CSMD1: variants seen among roughly 807,000 people sequenced by gnomAD.
The protein encoded by CSMD1 is CUB and sushi domain-containing protein 1.
In CSMD1, 213 loss-of-function variants were observed where a neutral mutation model predicts 417.5. That is an observed-to-expected ratio of 0.51 (90% CI 0.46 to 0.57). CSMD1 has a LOEUF of 0.57. Among genes scored for constraint, CSMD1 ranks in the 20% least tolerant of loss-of-function variants. CSMD1 has a pLI of 0.00. For missense variants in CSMD1, 6,923 were observed against 4,529.7 expected, an observed-to-expected ratio of 1.53 and a Z score of -15.17; for synonymous variants, 2,862 against 1,736.8, an observed-to-expected ratio of 1.65 and a Z score of -16.11.
intron 5 of CSMD1, among the ~76,000 whole-genome samples, chr8:3,823,111 A>T (rs1801833433): frequency 6.6e-6 from 1 of 152,196 alleles, no homozygotes; most frequent in African/African-American, 2.4e-5. Flanking sequence ...GCCCTTTCAT[A>T]CAAATGATTC....
At chr8:4,163,389 G>A (rs1197524622) in intron 3 of CSMD1, among the ~76,000 whole-genome samples, 1 of 152,162 alleles carries the variant, frequency 6.6e-6, no homozygotes. Context: ...ATCCAAGACA[G>A]CAATCTACAT....
chr8:3,298,934 G>C (rs1459344859), intron 25 of CSMD1, among the ~76,000 whole-genome samples: 1 of 152,062 alleles, frequency 6.6e-6, no homozygotes, highest in African/African-American at 2.4e-5. Context: ...AAGCCACATG[G>C]CAGTTTTTAT....
chr8:3,205,528 A>T lies in CSMD1; in HGVS notation c.4960T>A (p.Ser1654Thr). The T allele has an allele frequency of 3.8e-6, 6 of 1,584,258 alleles. No homozygotes were observed. In the South Asian group the frequency reaches 6.8e-5, roughly 18 times the overall value. The change falls in exon 31 of 70, where the codon TCC becomes ACC. Residue 1654 changes from serine (S) to threonine (T), a missense_variant. Physicochemically the swap from Ser to Thr is moderately conservative, Grantham distance 58 (BLOSUM62 1). Transcript: ENST00000635120. ...NYTAGQICLYSITVPKEFVVF... is the reference protein window; with the variant it reads ...NYTAGQICLYTITVPKEFVVF... ...CCGAATTCCTTTGGTACCGTGATGGAATAGAGGCATATTTGACCAGCTGTG... is the reference window on the plus strand; with the variant it reads ...CCGAATTCCTTTGGTACCGTGATGGTATAGAGGCATATTTGACCAGCTGTG...
chr8:4,911,737 G>C (rs1280424436), intron 1 of CSMD1, among the ~76,000 whole-genome samples: 1 of 152,020 alleles, frequency 6.6e-6, no homozygotes, highest in Non-Finnish European at 1.5e-5. Context: ...CAAGGGACTG[G>C]TAAATCACGT....
chr8:4,370,808 T>C (rs1002537660), intron 3 of CSMD1, among the ~76,000 whole-genome samples: 2 of 152,220 alleles, frequency 1.3e-5, no homozygotes, highest in Non-Finnish European at 2.9e-5. Context: ...AAAATGGTTA[T>C]GTTGGCTTCC....
intron 51 of CSMD1, among the ~76,000 whole-genome samples, chr8:3,026,759 G>A (rs1009068360): frequency 6.6e-6 from 1 of 152,242 alleles, no homozygotes; most frequent in African/African-American, 2.4e-5. Context: ...TTAGCACGTG[G>A]TGACTAGTTA....
chr8:4,749,064 G>C (rs1811142313), intron 1 of CSMD1, among the ~76,000 whole-genome samples: 1 of 152,210 alleles, frequency 6.6e-6, no homozygotes, highest in Non-Finnish European at 1.5e-5. Context: ...GCGTGTGTGT[G>C]TGTGTGAGCG....
chr8:4,195,740 G>A (rs1252737731), intron 3 of CSMD1, among the ~76,000 whole-genome samples: 1 of 152,148 alleles, frequency 6.6e-6, no homozygotes, highest in Non-Finnish European at 1.5e-5. Context: ...AAACGTCGGG[G>A]CTCTCCGTGC....
chr8:3,707,623 A>G (rs952546519), intron 7 of CSMD1, among the ~76,000 whole-genome samples: 13 of 152,178 alleles, frequency 8.5e-5, no homozygotes, highest in Non-Finnish European at 1.8e-4. Flanking sequence ...CTGTTATGAC[A>G]TGTGTAAGGT....
chr8:3,785,035 G>C (rs1287460507), intron 5 of CSMD1, among the ~76,000 whole-genome samples: 2 of 152,184 alleles, frequency 1.3e-5, no homozygotes, highest in Admixed American at 6.5e-5. Context: ...GGAGGGAATA[G>C]AGATAGAAAA....
chr8:3,267,711 C>A (rs982467281), intron 26 of CSMD1, among the ~76,000 whole-genome samples: 1 of 152,208 alleles, frequency 6.6e-6, no homozygotes, highest in African/African-American at 2.4e-5. Context: ...GGGCTGACAT[C>A]TGATGTTTTG....
chr8:3,635,517 T>G (rs1049672403), intron 7 of CSMD1, among the ~76,000 whole-genome samples: 13 of 138,814 alleles, frequency 9.4e-5, no homozygotes, highest in African/African-American at 3.5e-4. Flanking sequence ...AGAAACTCGC[T>G]CTGTCACCCA....
intron 3 of CSMD1, among the ~76,000 whole-genome samples, chr8:4,161,891 G>C (rs972423): frequency 0.48 from 73,031 of 151,964 alleles, 17,854 homozygotes; most frequent in Non-Finnish European, 0.52. Context: ...TAATGGTTCA[G>C]TAAGTCAAGA....
chr8:3,241,860 G>A lies in CSMD1; in HGVS notation c.4154-11629C>T, dbSNP rs183595775. ...TTCTATTATTGTACACCTTGAAGGC[G>A]ACGTTAATTAAGTCCTGTTGTGGGG... On this transcript the variant is annotated intron_variant, in intron 26 of 69. Transcript: ENST00000635120. Among the ~76,000 whole-genome samples, 102 of 152,096 alleles carry A rather than the reference G, an allele frequency of 6.7e-4. 1 individual carries two copies. Among genetic ancestry groups the A allele is most frequent in the African/African-American group, 2.3e-3 (95 of 41,484 alleles).
chr8:3,320,918 C>T (rs1347755164), intron 23 of CSMD1, among the ~76,000 whole-genome samples: 2 of 152,162 alleles, frequency 1.3e-5, no homozygotes, highest in East Asian at 1.9e-4. Context: ...GACCGTAAAG[C>T]GTTCAGTAGC....
chr8:4,137,026 A>G (rs1014771303), intron 3 of CSMD1, among the ~76,000 whole-genome samples: 2 of 152,236 alleles, frequency 1.3e-5, no homozygotes, highest in Admixed American at 6.5e-5. Flanking sequence ...TATTTTTACA[A>G]CATGATCACA....
intron 5 of CSMD1, among the ~76,000 whole-genome samples, chr8:3,916,297 T>C (rs1182182287): frequency 1.3e-5 from 2 of 152,048 alleles, no homozygotes; most frequent in African/African-American, 2.4e-5. Context: ...TCATATAAAA[T>C]CACCTGGTTC....
intron 2 of CSMD1, among the ~76,000 whole-genome samples, chr8:4,471,774 A>C (rs545570427): frequency 1.1e-4 from 16 of 152,240 alleles, no homozygotes; most frequent in South Asian, 4.1e-4. Context: ...GTCACAAAGG[A>C]GACTGAGGAG....
intron 2 of CSMD1, among the ~76,000 whole-genome samples, chr8:4,501,243 T>C (rs1585172075): frequency 6.6e-6 from 1 of 152,100 alleles, no homozygotes; most frequent in Non-Finnish European, 1.5e-5. Context: ...AGAGATAGAA[T>C]TTACTGCTAG....
Sources: allele counts gnomAD v4.1 joint callset (sites outside exome capture counted in the v4.1 genomes callset), GRCh38; gene constraint gnomAD v4.1.1; transcripts MANE v1.5; gene names NCBI Gene and HGNC (gene_info 2026-07-23, HGNC 2026-07-21).